Variants in CHRDL1 observed in about 807,000 individuals in gnomAD.
CHRDL1 encodes chordin like 1.
A neutral mutation model predicts 40.9 loss-of-function variants in CHRDL1; 19 were observed. The observed-to-expected ratio is 0.46, with a 90% confidence interval of 0.32 to 0.68. The LOEUF (loss-of-function observed/expected upper bound fraction) is 0.68, where lower values mean the gene tolerates loss of function less well. CHRDL1 is among the 30% of genes least tolerant of loss of function. CHRDL1 has a pLI of 0.03. For missense variants in CHRDL1, 329 were observed against 352.1 expected (o/e 0.93, Z 0.53); for synonymous variants, 136 against 123.4 (o/e 1.10, Z -0.68).
intron 11 of CHRDL1, among the ~76,000 whole-genome samples, chrX:110,677,581 T>C (rs1313636064): frequency 8.9e-6 from 1 of 111,736 alleles, no homozygotes; most frequent in African/African-American, 3.3e-5. Context: ...AACTAAAACA[T>C]GTAACTTCAG....
intron 6 of CHRDL1, among the ~76,000 whole-genome samples, chrX:110,709,830 C>G (rs1435861049): frequency 5.4e-5 from 6 of 110,867 alleles, no homozygotes; most frequent in Non-Finnish European, 5.7e-5. Flanking sequence ...CATCGGGAAA[C>G]CCCGTCTCTA....
intron 4 of CHRDL1, among the ~76,000 whole-genome samples, chrX:110,741,626 G>A (rs773786681): frequency 2.7e-5 from 3 of 111,166 alleles, no homozygotes; most frequent in African/African-American, 3.3e-5. Flanking sequence ...TGGTGTGGCC[G>A]GAATTCTAGG....
intron 6 of CHRDL1, among the ~76,000 whole-genome samples, chrX:110,707,728 G>T (rs1319293091): frequency 1.8e-5 from 2 of 111,729 alleles, no homozygotes; most frequent in Non-Finnish European, 3.8e-5. Context: ...CAGGGCATAG[G>T]CATGGGCAAA....
chrX:110,690,300 G>A (rs1225092830), intron 8 of CHRDL1, among the ~76,000 whole-genome samples: 7 of 105,590 alleles, frequency 6.6e-5, no homozygotes, highest in African/African-American at 2.1e-4. Flanking sequence ...CGCCTGCCTC[G>A]GCCTCCCAAA....
chrX:110,719,503 CTG>C (rs1317907361), intron 6 of CHRDL1, among the ~76,000 whole-genome samples: 1 of 110,670 alleles, frequency 9.0e-6, no homozygotes, highest in Non-Finnish European at 1.9e-5. Context: ...TGAAAATAGT[CTG>C]TGTTTTATGA....
chrX:110,718,230 G>C (rs2148461873), intron 6 of CHRDL1, among the ~76,000 whole-genome samples: 1 of 111,961 alleles, frequency 8.9e-6, no homozygotes, highest in East Asian at 2.8e-4. Flanking sequence ...AACCACTACT[G>C]TGTTCTCAGT....
At chrX:110,722,825 G>A (rs904172176) in intron 4 of CHRDL1, among the ~76,000 whole-genome samples, 3 of 111,919 alleles carry the variant, frequency 2.7e-5, no homozygotes, top group Middle Eastern at 4.6e-3. Flanking sequence ...AGAGAAATCA[G>A]GGGAGCTGTG....
At chrX:110,792,830 A>AT (rs1316504172) in intron 1 of CHRDL1, among the ~76,000 whole-genome samples, 1 of 112,350 alleles carries the variant, frequency 8.9e-6, no homozygotes, top group Non-Finnish European at 1.9e-5. Flanking sequence ...GTTCCAACAT[A>AT]TTCCTCCCCC....
rs553347723 is a variant in CHRDL1 at position 110,759,652 on chromosome X, T to C, written c.301+9A>G. The C allele has an allele frequency of 3.5e-6, 4 of 1,147,918 alleles. No homozygotes were observed. The highest frequency in any genetic ancestry group is 3.6e-5 in the South Asian group (2 of 55,314). 94.6% of individuals were successfully genotyped at this position (1,147,918 alleles called of 1,213,427 possible). A position where few individuals can be genotyped will look rare whatever the true frequency, so the allele number is the denominator to read the frequency against. On this transcript the variant is annotated intron_variant, in intron 4 of 11. Coordinates refer to ENST00000372042, the MANE Select transcript of CHRDL1 (RefSeq NM_001143981.2). Reference sequence around the variant, plus strand: ...CACAGCTAGGAAAGAAAGAGACAAATTGCTTTACCTGGGCAGCGAGGGCAG... The same window carrying C: ...CACAGCTAGGAAAGAAAGAGACAAACTGCTTTACCTGGGCAGCGAGGGCAG...
intron 7 of CHRDL1, among the ~76,000 whole-genome samples, chrX:110,699,052 T>C: frequency 8.9e-6 from 1 of 111,744 alleles, no homozygotes; most frequent in African/African-American, 3.3e-5. Flanking sequence ...TTCCTCAGGG[T>C]TTATATTAAC....
rs1569458854 is a variant in CHRDL1 at position 110,681,537 on chromosome X, T to A, written c.1101A>T (p.Ala367=). The change falls in exon 10 of 12, where the codon GCA becomes GCT. Residue 367 remains alanine, a synonymous_variant. Coordinates refer to ENST00000372042, the MANE Select transcript of CHRDL1 (RefSeq NM_001143981.2). ...MEDGETTRKI[A]LETERPPQVE... is the part of the protein sequence containing the mutation. ...CCTGAGGTGGTCTCTCAGTCTCCAG[T>A]GCTATTTTTCTGGTTGTCTCCCCAT... The A allele has an allele frequency of 1.7e-6, 2 of 1,209,328 alleles. No homozygotes were observed. Among genetic ancestry groups the A allele is most frequent in the Non-Finnish European group, 2.2e-6 (2 of 893,404 alleles).
chrX:110,707,365 G>A (rs1223286055), intron 6 of CHRDL1, among the ~76,000 whole-genome samples: 1 of 111,728 alleles, frequency 9.0e-6, no homozygotes, highest in Admixed American at 9.5e-5. Flanking sequence ...CAAAGCTGGA[G>A]GCATCACACT....
Position 110,762,691 on chromosome X carries a change from G to A in CHRDL1, c.207+4C>T, listed in dbSNP as rs778339597. ...GGGAAATCACATGTCATGAGAGATT[G>A]TACCTCTGAGCAGATGCAGTTCACG... On this transcript the variant is annotated splice_donor_region_variant and intron_variant, in intron 3 of 11. Coordinates refer to ENST00000372042, the MANE Select transcript of CHRDL1 (RefSeq NM_001143981.2). 2.0e-5 allele frequency: 22 copies of A among 1,076,093 alleles called. No homozygotes were observed. Among genetic ancestry groups the A allele is most frequent in the African/African-American group, 2.0e-4 (11 of 54,378 alleles). The allele number at this position is 1,076,093 out of a possible 1,213,427, so 88.7% of individuals were successfully genotyped here.
rs187718773 is a variant in CHRDL1 at position 110,779,993 on chromosome X, C to A, written c.94+12095G>T. 3.0e-3 allele frequency among the ~76,000 whole-genome samples: 333 copies of A among 111,124 alleles called. 1 individual carries two copies. The highest frequency in any genetic ancestry group is 0.011 in the African/African-American group (326 of 30,775). On this transcript the variant is annotated intron_variant, in intron 2 of 11. Coordinates refer to ENST00000372042, the MANE Select transcript of CHRDL1 (RefSeq NM_001143981.2). ...ATTCCACTTGTTAATTGCTGGTAGA[C>A]AGAAAAGCAATTGACTTTTATATTA...
intron 7 of CHRDL1, among the ~76,000 whole-genome samples, chrX:110,699,978 C>T (rs2070478930): frequency 8.9e-6 from 1 of 112,618 alleles, no homozygotes; most frequent in Admixed American, 9.4e-5. Context: ...TGAATCGGAA[C>T]ATCTCCTTTT....
intron 4 of CHRDL1, among the ~76,000 whole-genome samples, chrX:110,723,072 A>C (rs2070992465): frequency 9.0e-6 from 1 of 110,929 alleles, no homozygotes; most frequent in African/African-American, 3.3e-5. Flanking sequence ...AACACAGTGA[A>C]ACCCCGTCTC....
intron 4 of CHRDL1, among the ~76,000 whole-genome samples, chrX:110,757,264 G>T (rs777647783): frequency 9.1e-6 from 1 of 110,386 alleles, no homozygotes; most frequent in African/African-American, 3.3e-5. Context: ...AAATTGAAGA[G>T]AAATTTGACT....
chrX:110,730,950 C>T (rs985922355), intron 4 of CHRDL1, among the ~76,000 whole-genome samples: 3 of 111,715 alleles, frequency 2.7e-5, no homozygotes, highest in African/African-American at 9.8e-5. Flanking sequence ...TCCCACCCTT[C>T]GTTGCCCAGC....
rs139910858 is a variant in CHRDL1, at chrX:110,702,165, A to G, written c.542-1444T>C. Among the ~76,000 whole-genome samples, 733 of 110,916 alleles carry G rather than the reference A, an allele frequency of 6.6e-3. 2 individuals carry two copies. Among genetic ancestry groups the G allele is most frequent in the Non-Finnish European group, 0.011 (590 of 52,899 alleles). On this transcript the variant is annotated intron_variant, in intron 6 of 11. Coordinates refer to ENST00000372042, the MANE Select transcript of CHRDL1 (RefSeq NM_001143981.2). ...ACAATCACCCCCTACTGCCTACCCA[A>G]TGATCTCAGCTACTCTTCAATGGGA... is the stretch of plus-strand genomic sequence containing the variant.
Sources: allele counts gnomAD v4.1 joint callset (sites outside exome capture counted in the v4.1 genomes callset), GRCh38; gene constraint gnomAD v4.1.1; transcripts MANE v1.5; gene names NCBI Gene and HGNC (gene_info 2026-07-23, HGNC 2026-07-21).